The following GCSAML variants were observed in gnomAD, a reference collection of about 807,000 sequenced individuals.
GCSAML encodes the protein germinal center-associated signaling and motility-like protein.
GCSAML carries 9 observed loss-of-function variants against 13.0 expected under a neutral mutation model. That is an observed-to-expected ratio of 0.69 (90% CI 0.42 to 1.21). GCSAML has a LOEUF of 1.21. Among genes scored for constraint, GCSAML ranks in the 50% most tolerant of loss-of-function variants. The pLI is 0.00. For synonymous variants in GCSAML, 37 were observed against 52.9 expected, an observed-to-expected ratio of 0.70 and a Z score of 1.31; for missense variants, 143 against 153.4, an observed-to-expected ratio of 0.93 and a Z score of 0.36.
intron 4 of GCSAML, among the ~76,000 whole-genome samples, chr1:247,569,789 T>G (rs1458269729): frequency 6.6e-6 from 1 of 152,214 alleles, no homozygotes; most frequent in African/African-American, 2.4e-5. Flanking sequence ...TGGTACCAGC[T>G]CCTCTTTGTA....
chr1:247,539,936 C>T (rs954649637), intron 2 of GCSAML, among the ~76,000 whole-genome samples: 14 of 152,198 alleles, frequency 9.2e-5, no homozygotes, highest in African/African-American at 3.4e-4. Flanking sequence ...CATTACCTCT[C>T]TGATCCCACT....
At chr1:247,569,260 G>A (rs928884723) in intron 4 of GCSAML, among the ~76,000 whole-genome samples, 3 of 152,182 alleles carry the variant, frequency 2.0e-5, no homozygotes, top group Non-Finnish European at 2.9e-5. Context: ...GGAGTGGAGA[G>A]AGAGGGCATA....
chr1:247,573,772 C>T (rs1668723576), intron 4 of GCSAML, among the ~76,000 whole-genome samples: 1 of 152,130 alleles, frequency 6.6e-6, no homozygotes, highest in African/African-American at 2.4e-5. Context: ...CTATAAATTA[C>T]TTTGGGCAGT....
At position 247,574,600 on chromosome 1, in the gene GCSAML, T is replaced by A; in HGVS notation, c.*218T>A. Reference sequence around the variant, plus strand: ...TGACACAATGACCTAAAATATTCTATGTGTTTTTGCTTGTAAAGTTTGAGG... The same window carrying A: ...TGACACAATGACCTAAAATATTCTAAGTGTTTTTGCTTGTAAAGTTTGAGG... On this transcript the variant is annotated 3_prime_UTR_variant, in exon 5 of 5. Coordinates refer to ENST00000366488, the MANE Select transcript of GCSAML (RefSeq NM_145278.5). 1 of 545,462 alleles carries A rather than the reference T, an allele frequency of 1.8e-6. No homozygotes were observed. The highest frequency in any genetic ancestry group is 3.2e-6 in the Non-Finnish European group (1 of 316,354). The allele number at this position is 545,462 out of a possible 1,614,324, so 33.8% of individuals were successfully genotyped here.
At chr1:247,531,250 C>T (rs973048032) in intron 2 of GCSAML, 5 of 366,502 alleles carry the variant, frequency 1.4e-5, no homozygotes, top group Non-Finnish European at 9.9e-6. Context: ...GGAATCCACC[C>T]GCTTCGGATA....
intron 2 of GCSAML, among the ~76,000 whole-genome samples, chr1:247,543,567 T>C (rs904317586): frequency 6.6e-6 from 1 of 152,146 alleles, no homozygotes; most frequent in Admixed American, 6.5e-5. Flanking sequence ...ATAGTAATTA[T>C]CGTGGACAAA....
At chr1:247,565,589 T>G (rs978455877) in intron 3 of GCSAML, 2 of 211,836 alleles carry the variant, frequency 9.4e-6, no homozygotes, top group African/African-American at 2.3e-5. Flanking sequence ...AATCATTCTT[T>G]CTTTATGCTT....
intron 1 of GCSAML, among the ~76,000 whole-genome samples, chr1:247,515,235 A>C (rs1425780961): frequency 1.3e-5 from 2 of 152,234 alleles, no homozygotes; most frequent in Non-Finnish European, 2.9e-5. Flanking sequence ...ATAATGAGTT[A>C]AGTAATGACA....
intron 1 of GCSAML, among the ~76,000 whole-genome samples, chr1:247,521,377 C>CCCTCTG (rs1572291001): frequency 6.6e-6 from 1 of 151,206 alleles, no homozygotes; most frequent in East Asian, 1.9e-4. Context: ...GTCTCCCTCT[C>CCCTCTG]CCTCTCCACG....
upstream of GCSAML, among the ~76,000 whole-genome samples, chr1:247,545,955 AG>A: frequency 6.6e-6 from 1 of 152,056 alleles, no homozygotes; most frequent in Non-Finnish European, 1.5e-5. Context: ...TACTACAAAA[AG>A]AAAAAAGAAA....
chr1:247,571,604 C>G (rs1303452022), intron 4 of GCSAML, among the ~76,000 whole-genome samples: 4 of 152,124 alleles, frequency 2.6e-5, no homozygotes, highest in Non-Finnish European at 5.9e-5. Context: ...TGTGGGTAAC[C>G]CAACCTTTCT....
chr1:247,570,343 T>C (rs1668554663), intron 4 of GCSAML, among the ~76,000 whole-genome samples: 1 of 152,214 alleles, frequency 6.6e-6, no homozygotes, highest in South Asian at 2.1e-4. Flanking sequence ...TGTTTGCATT[T>C]AGTGCTATAA....
rs1572346220 is a variant in GCSAML, at chr1:247,549,222, T to A, written c.29+2T>A. ...AAATTATCTCCTGCGAAAACTCAGG[T>A]GAGTCTTGACTCTTGGTGCCGCCTT... is the stretch of plus-strand genomic sequence containing the variant. On this transcript the variant is annotated splice_donor_variant, in intron 1 of 4. Coordinates refer to ENST00000366488, the MANE Select transcript of GCSAML (RefSeq NM_145278.5). LOFTEE classifies it high-confidence loss of function. 6.2e-7 allele frequency: 1 copy of A among 1,613,444 alleles called. No homozygotes were observed. The highest frequency in any genetic ancestry group is 1.1e-5 in the South Asian group (1 of 91,052).
At chr1:247,546,140 T>A (rs1046751934), upstream of GCSAML, among the ~76,000 whole-genome samples, 2 of 148,438 alleles carry the variant, frequency 1.3e-5, no homozygotes, top group African/African-American at 5.1e-5. Context: ...AAGAAAGAAA[T>A]AAATTTTTGT....
chr1:247,537,178 T>C (rs1558245063), intron 2 of GCSAML, among the ~76,000 whole-genome samples: 1 of 152,236 alleles, frequency 6.6e-6, no homozygotes, highest in Non-Finnish European at 1.5e-5. Flanking sequence ...TCTCTATGTA[T>C]GGATTTGCCT....
intron 1 of GCSAML, chr1:247,519,035 G>A (rs12119928): frequency 0.17 from 25,960 of 152,516 alleles, 2,473 homozygotes; most frequent in South Asian, 0.3. Context: ...ACTCCAGCCT[G>A]GACGACAGAG....
Position 247,527,645 on chromosome 1 carries a change from G to A in GCSAML, c.-148+591G>A, listed in dbSNP as rs887098663. On this transcript the variant is annotated intron_variant, in intron 2 of 5. Coordinates refer to the GCSAML transcript ENST00000366489. This position sits in a 1 kb window ranked among gnomAD's most constrained non-coding sequence, Gnocchi z 4.6. ...ACATATAATAATTGAACATATTTCT[G>A]GGGTAAACAGTGATGTTTGGAAGCA... is the stretch of plus-strand genomic sequence containing the variant. 6.6e-6 allele frequency: 1 copy of A among 152,300 alleles called. No individual in the cohort carries two copies. Among genetic ancestry groups the A allele is most frequent in the Non-Finnish European group, 1.5e-5 (1 of 68,162 alleles). 9.4% of individuals were successfully genotyped at this position (152,300 alleles called of 1,614,324 possible). A position where few individuals can be genotyped will look rare whatever the true frequency, so the allele number is the denominator to read the frequency against.
chr1:247,510,914 C>G (rs1264326747), intron 1 of GCSAML, among the ~76,000 whole-genome samples: 1 of 152,068 alleles, frequency 6.6e-6, no homozygotes, highest in Non-Finnish European at 1.5e-5. Context: ...GTTTTACTTC[C>G]AATTATGTGG....
chr1:247,542,746 T>C (rs1052098362), intron 2 of GCSAML, among the ~76,000 whole-genome samples: 2 of 152,230 alleles, frequency 1.3e-5, no homozygotes, highest in Non-Finnish European at 2.9e-5. Flanking sequence ...AAGAATGTCA[T>C]GAATTTAGCA....
Sources: gnomAD v4.1 joint callset for allele counts (sites outside exome capture counted in the v4.1 genomes callset) on GRCh38, gnomAD v4.1.1 for gene constraint, Gnocchi (gnomAD v3.1) non-coding constraint, MANE v1.5 for transcripts, NCBI Gene and HGNC (gene_info 2026-07-23, HGNC 2026-07-21) for gene names.